Variants in GNB5 observed in about 807,000 individuals in gnomAD.
The protein encoded by GNB5 is G protein subunit beta 5.
Under a neutral mutation model 55.3 loss-of-function variants are expected in GNB5, and 37 were observed. The observed-to-expected ratio is 0.67, with a 90% CI of 0.51 to 0.88. The LOEUF (loss-of-function observed/expected upper bound fraction) is 0.88. Among genes scored for constraint, GNB5 ranks in the 40% least tolerant of loss-of-function variants. The probability of loss-of-function intolerance (pLI) is 0.00; values close to 1 mark genes in which losing one functional copy is unlikely to be tolerated. For synonymous variants in GNB5, 219 were observed against 198.5 expected, an observed-to-expected ratio of 1.10 and a Z score of -0.87; for missense variants, 476 against 515.3, an observed-to-expected ratio of 0.92 and a Z score of 0.74.
chr15:52,179,586 G>T (rs1055049850), intron 3 of GNB5, among the ~76,000 whole-genome samples, 182 bp downstream of exon 3: 1 of 151,492 alleles, frequency 6.6e-6, no homozygotes, highest in Non-Finnish European at 1.5e-5. Context: ...CGCGCGTCCC[G>T]GGGATCGGGA....
At position 52,177,799 on chromosome 15, in the gene GNB5, G is replaced by T. The variant is rs2034681987; in HGVS notation, c.238+1969C>A. 2.0e-5 allele frequency among the ~76,000 whole-genome samples: 3 copies of T among 152,152 alleles called. No individual in the cohort carries two copies. The South Asian group carries it at 6.2e-4, about 32-fold the overall frequency. ...TGCGGGGTAGAAGAGAAGTGGTCTG[G>T]AAGCTGCAGGGGAATCAAGAGGGAC... On this transcript the variant is annotated intron_variant, in intron 3 of 12. Coordinates refer to ENST00000261837, the MANE Select transcript of GNB5 (RefSeq NM_016194.4).
At chr15:52,162,652 T>G (rs946584040) in intron 3 of GNB5, 2 of 152,060 alleles carry the variant, frequency 1.3e-5, no homozygotes, top group Non-Finnish European at 2.9e-5. Context: ...ATTAAAGGAA[T>G]CAAGGAGAAA....
rs2033370343 is a variant in GNB5 at position 52,124,563 on chromosome 15, GA to G, written c.1085del (p.Ile362ThrfsTer59). The G allele has an allele frequency of 1.9e-6, 3 of 1,613,552 alleles. No individual in the cohort carries two copies. The highest frequency in any genetic ancestry group is 2.5e-6 in the Non-Finnish European group (3 of 1,179,418). On this transcript the variant is annotated frameshift_variant, in exon 12 of 13. Coordinates refer to ENST00000261837, the MANE Select transcript of GNB5 (RefSeq NM_016194.4). LOFTEE classifies it high-confidence loss of function. ...TAACGCGGTTTTCATGTCCAAACAG[GA>G]TGGAGACCCGGGACCCTTTGAGAAC... ...WDVLKGSRVSILFGHENRVST... is the reference protein window; with the variant it reads ...WDVLKGSRVSXLFGHENRVST...
At chr15:52,150,555 A>G (rs2034070836) in intron 4 of GNB5, among the ~76,000 whole-genome samples, 1 of 152,216 alleles carries the variant, frequency 6.6e-6, no homozygotes, top group African/African-American at 2.4e-5. Flanking sequence ...CACTGAGAAC[A>G]ACATGCGATA....
At chr15:52,176,057 A>G (rs1176349547) in intron 3 of GNB5, among the ~76,000 whole-genome samples, 8 of 148,642 alleles carry the variant, frequency 5.4e-5, no homozygotes, top group African/African-American at 2.0e-4. Context: ...TCAAAAAAAA[A>G]CAAAACAAAA....
intron 1 of GNB5, among the ~76,000 whole-genome samples, chr15:52,190,207 T>G (rs1290316201): frequency 6.6e-6 from 1 of 150,736 alleles, no homozygotes. Flanking sequence ...AAGCTCCGCC[T>G]CCCAGGTTCA....
At chr15:52,147,382 G>C (rs1370020320) in intron 6 of GNB5, 77 bp downstream of exon 6, 2 of 837,282 alleles carry the variant, frequency 2.4e-6, no homozygotes, top group Non-Finnish European at 4.2e-6. Flanking sequence ...GTGAGTTCTT[G>C]TTTGTTTGTT....
In GNB5 at chr15:52,190,178, C is replaced by T. The variant is rs190659039; in HGVS notation, c.-19+1144G>A. On this transcript the variant is annotated intron_variant, in intron 1 of 12. Transcript: ENST00000261837. ...TGTCGCCCAGGTTGGAGTGCAGTGG[C>T]GCAATCTCGGCTCACTGTAAGCTCC... Among the ~76,000 whole-genome samples the T allele has an allele frequency of 2.9e-3, 431 of 148,854 alleles. 4 individuals carry two copies. Among genetic ancestry groups the T allele is most frequent in the Admixed American group, 0.017 (250 of 14,844 alleles).
chr15:52,143,920 T>C lies in GNB5; in HGVS notation c.495-2648A>G, dbSNP rs954286898. On this transcript the variant is annotated intron_variant, in intron 6 of 12. Coordinates refer to ENST00000261837, the MANE Select transcript of GNB5 (RefSeq NM_016194.4). ...TCGTCTTTGACGCTCTCTCATCCAC[T>C]AGACCGCCACATTTTGAAAAATGCC... 2.6e-5 allele frequency: 4 copies of C among 152,362 alleles called. No homozygotes were observed. In the South Asian group the frequency reaches 6.2e-4, roughly 24 times the overall value. The allele number at this position is 152,362 out of a possible 1,614,324, so 9.4% of individuals were successfully genotyped here.
chr15:52,190,778 TAAAAAAAAAAAAAAAAAAAA>T (rs58614125), intron 1 of GNB5, among the ~76,000 whole-genome samples: 1,728 of 96,946 alleles, frequency 0.018, 43 homozygotes, highest in African/African-American at 0.042. Context: ...CTTATTTCCT[TAAAAAAAAAAAAAAAAAAAA>T]AAAAAAAAAA....
In GNB5 at chr15:52,160,835, T is replaced by C. The variant is rs141824980; in HGVS notation, c.239-6759A>G. On this transcript the variant is annotated intron_variant, in intron 3 of 12. Coordinates refer to ENST00000261837, the MANE Select transcript of GNB5 (RefSeq NM_016194.4). ...ATCATTTTTAATGACTCCATAACAT[T>C]CCACTGTATATACATACTATAATCT... is the stretch of plus-strand genomic sequence containing the variant. Among the ~76,000 whole-genome samples, 21 of 152,254 alleles carry C rather than the reference T, an allele frequency of 1.4e-4. No individual in the cohort carries two copies. In the East Asian group the frequency reaches 4.1e-3, roughly 29 times the overall value.
chr15:52,182,825 T>C (rs967265158), intron 2 of GNB5, among the ~76,000 whole-genome samples: 3 of 152,158 alleles, frequency 2.0e-5, no homozygotes, highest in African/African-American at 7.2e-5. Flanking sequence ...TTGCTTTCAA[T>C]TGAAAGCAAT....
chr15:52,150,463 G>C (rs979198031), intron 4 of GNB5, among the ~76,000 whole-genome samples: 4 of 152,138 alleles, frequency 2.6e-5, no homozygotes, highest in African/African-American at 7.2e-5. Flanking sequence ...AGCTGCGGAG[G>C]GGGCTGTATG....
At chr15:52,124,138 T>A (rs538618566) in intron 12 of GNB5, among the ~76,000 whole-genome samples, 3 of 152,032 alleles carry the variant, frequency 2.0e-5, no homozygotes, top group Admixed American at 6.5e-5. Flanking sequence ...GAGGAGAGAC[T>A]GGTTATCTGT....
In GNB5 at chr15:52,122,504, A is replaced by G. The variant is rs966952523; in HGVS notation, c.*253T>C. The G allele has an allele frequency of 6.3e-6, 3 of 474,100 alleles. No homozygotes were observed. The highest frequency in any genetic ancestry group is 3.9e-5 in the African/African-American group (2 of 51,122). 29.4% of individuals were successfully genotyped at this position (474,100 alleles called of 1,614,324 possible). On this transcript the variant is annotated 3_prime_UTR_variant, in exon 13 of 13. Transcript: ENST00000261837. ...ATTTAGAATAACCTTAAAAACAGAT[A>G]CATTTTAAAAAGTGTTCCAAAAGAA...
chr15:52,131,769 G>A (rs946736607), intron 9 of GNB5, among the ~76,000 whole-genome samples: 10 of 152,054 alleles, frequency 6.6e-5, no homozygotes, highest in African/African-American at 2.2e-4. Context: ...AATAATTCTC[G>A]TGTTTTCCCA....
At chr15:52,124,005 C>CAAAAAAAAAAAA (rs56008657) in intron 12 of GNB5, among the ~76,000 whole-genome samples, 14 of 84,378 alleles carry the variant, frequency 1.7e-4, no homozygotes, top group East Asian at 3.6e-4. Flanking sequence ...ATAGAAAAAC[C>CAAAAAAAAAAAA]AAAAAAAAAA....
intron 1 of GNB5, among the ~76,000 whole-genome samples, chr15:52,187,026 G>T (rs1416318345): frequency 6.6e-6 from 1 of 152,164 alleles, no homozygotes; most frequent in Non-Finnish European, 1.5e-5. Flanking sequence ...AAAAGCAGGG[G>T]GATTAAACAA....
At chr15:52,173,550 T>A (rs2034592326) in intron 3 of GNB5, among the ~76,000 whole-genome samples, 1 of 152,218 alleles carries the variant, frequency 6.6e-6, no homozygotes, top group Non-Finnish European at 1.5e-5. Context: ...CTCACCAAGA[T>A]GGCCAGTGTG....
Sources: gnomAD v4.1 joint callset for allele counts (sites outside exome capture counted in the v4.1 genomes callset) on GRCh38, gnomAD v4.1.1 for gene constraint, MANE v1.5 for transcripts, NCBI Gene and HGNC (gene_info 2026-07-23, HGNC 2026-07-21) for gene names.